ADAM23: variants seen among roughly 807,000 people sequenced by gnomAD.
ADAM23 encodes the protein ADAM metallopeptidase domain 23.
Under a neutral mutation model 120.1 loss-of-function variants are expected in ADAM23, and 33 were observed. That is an observed-to-expected ratio of 0.27 (90% CI 0.21 to 0.37). The LOEUF is 0.37. Ranked by LOEUF, ADAM23 falls within the 10% of genes least tolerant of loss-of-function variation. ADAM23 has a pLI of 1.00. For synonymous variants in ADAM23, 367 were observed against 375.2 expected, an observed-to-expected ratio of 0.98 and a Z score of 0.25; for missense variants, 862 against 1,058.2, an observed-to-expected ratio of 0.81 and a Z score of 2.57.
intron 3 of ADAM23, among the ~76,000 whole-genome samples, chr2:206,483,237 A>G (rs969981941): frequency 6.6e-6 from 1 of 152,180 alleles, no homozygotes; most frequent in Non-Finnish European, 1.5e-5. Context: ...CAACAGAGGT[A>G]CCTCGATTGG....
At chr2:206,544,551 G>A (rs534684222) in intron 6 of ADAM23, among the ~76,000 whole-genome samples, 63 of 152,036 alleles carry the variant, frequency 4.1e-4, no homozygotes, top group African/African-American at 1.4e-3. Context: ...AATTACATGT[G>A]GTATGTTAGA....
At chr2:206,494,570 T>C (rs1431615231) in intron 3 of ADAM23, among the ~76,000 whole-genome samples, 1 of 152,124 alleles carries the variant, frequency 6.6e-6, no homozygotes, top group Admixed American at 6.6e-5. Flanking sequence ...GGTGAGTAGT[T>C]CAGTACTTTT....
At chr2:206,547,626 A>T (rs766494885) in intron 7 of ADAM23, 125 bp downstream of exon 7, 1 of 744,370 alleles carries the variant, frequency 1.3e-6, no homozygotes, top group Non-Finnish European at 2.2e-6. Context: ...AACATCGTGG[A>T]TCAGCACTGG....
Position 206,542,104 on chromosome 2 carries a change from A to G in ADAM23, c.626A>G (p.Lys209Arg), listed in dbSNP as rs142194045. 567 of 1,614,088 alleles carry G rather than the reference A, an allele frequency of 3.5e-4. No homozygotes were observed. The highest frequency in any genetic ancestry group is 4.6e-4 in the Non-Finnish European group (543 of 1,180,008). Residue 209 changes from lysine to arginine, a missense_variant, in exon 5 of 26, where the codon AAG becomes AGG. Lys to Arg is a conservative substitution (Grantham distance 26). Coordinates refer to ENST00000264377, the MANE Select transcript of ADAM23 (RefSeq NM_003812.4). ...AGCATCAGAGGCGTCAAAGACTCCA[A>G]GGTGGCTCTGTCAACCTGCAATGGA... ...HGSIRGVKDS[K>R]VALSTCNGLH...
At chr2:206,484,065 A>G (rs1016466950) in intron 3 of ADAM23, among the ~76,000 whole-genome samples, 3 of 152,180 alleles carry the variant, frequency 2.0e-5, no homozygotes, top group East Asian at 1.9e-4. Flanking sequence ...GGAGATATCT[A>G]TAGGGCAAGA....
intron 2 of ADAM23, among the ~76,000 whole-genome samples, chr2:206,467,042 A>C (rs1369013737): frequency 6.6e-6 from 1 of 152,186 alleles, no homozygotes; most frequent in Non-Finnish European, 1.5e-5. Flanking sequence ...ACCATGGAAA[A>C]CCGCTTGCGT....
chr2:206,587,074 T>A (rs1317616032), intron 18 of ADAM23, among the ~76,000 whole-genome samples: 14 of 152,228 alleles, frequency 9.2e-5, no homozygotes, highest in Non-Finnish European at 2.9e-5. Flanking sequence ...TGAATGTGAC[T>A]TGTTATTCTG....
chr2:206,493,624 C>T lies in ADAM23; in HGVS notation c.509+12316C>T, dbSNP rs181534723. 5.8e-3 allele frequency among the ~76,000 whole-genome samples: 891 copies of T among 152,336 alleles called. 1 individual carries two copies. Among genetic ancestry groups the T allele is most frequent in the Non-Finnish European group, 8.2e-3 (555 of 68,024 alleles). ...CCGACCTCAGGTGATCCACCTGCCTCGGCCTCCCAAGTGCTGGGATTACAG... is the reference window on the plus strand; with the variant it reads ...CCGACCTCAGGTGATCCACCTGCCTTGGCCTCCCAAGTGCTGGGATTACAG... On this transcript the variant is annotated intron_variant, in intron 3 of 25. Transcript: ENST00000264377.
intron 3 of ADAM23, among the ~76,000 whole-genome samples, chr2:206,527,057 A>T (rs1384990265): frequency 6.6e-6 from 1 of 152,188 alleles, no homozygotes; most frequent in Non-Finnish European, 1.5e-5. Flanking sequence ...GATAACCTGC[A>T]TGAGAAGCAT....
Position 206,546,234 on chromosome 2 carries a change from C to T in ADAM23, c.721-1195C>T, listed in dbSNP as rs556521962. Among the ~76,000 whole-genome samples, 12 of 152,266 alleles carry T rather than the reference C, an allele frequency of 7.9e-5. No individual in the cohort carries two copies. In the South Asian group the frequency reaches 1.5e-3, roughly 18 times the overall value. On this transcript the variant is annotated intron_variant, in intron 6 of 25. Transcript: ENST00000264377. ...TAGAGGAAAGGAATAGTGCTTTAAA[C>T]TTTAGTCGATTTTTTAAATTGTGTT...
At chr2:206,450,582 T>G (rs994321964) in intron 2 of ADAM23, among the ~76,000 whole-genome samples, 12 of 152,184 alleles carry the variant, frequency 7.9e-5, no homozygotes, top group Non-Finnish European at 1.2e-4. Flanking sequence ...TGAGGAGAGA[T>G]AATTTTGGTC....
chr2:206,557,122 A>T (rs1448685485), intron 9 of ADAM23, among the ~76,000 whole-genome samples: 1 of 151,896 alleles, frequency 6.6e-6, no homozygotes, highest in Non-Finnish European at 1.5e-5. Flanking sequence ...TAAAGACAGG[A>T]TCTCACTGTG....
At chr2:206,486,947 C>T (rs554798950) in intron 3 of ADAM23, among the ~76,000 whole-genome samples, 2 of 152,178 alleles carry the variant, frequency 1.3e-5, no homozygotes. Flanking sequence ...CATGCATTCG[C>T]GTCCTGGACA....
intron 2 of ADAM23, among the ~76,000 whole-genome samples, chr2:206,457,934 C>G (rs1695332521): frequency 6.6e-6 from 1 of 152,104 alleles, no homozygotes. Context: ...CAAATTTAAA[C>G]TTTTTGTCAG....
chr2:206,608,013 A>G lies in ADAM23; in HGVS notation c.2360-1897A>G, dbSNP rs1319634241. The G allele has an allele frequency of 1.2e-5, 5 of 428,406 alleles. No homozygotes were observed. The East Asian group carries it at 2.2e-4, about 19-fold the overall frequency. The allele number at this position is 428,406 out of a possible 1,614,324, so 26.5% of individuals were successfully genotyped here. A position where few individuals can be genotyped will look rare whatever the true frequency, so the allele number is the denominator to read the frequency against. ...CATATCCAAAGCATAGAGTATGTAC[A>G]TGGTTATATATTTTTTTAATATTTG... On this transcript the variant is annotated intron_variant, in intron 24 of 25. Coordinates refer to ENST00000264377, the MANE Select transcript of ADAM23 (RefSeq NM_003812.4).
chr2:206,586,944 C>T (rs1698333081), intron 18 of ADAM23, among the ~76,000 whole-genome samples: 1 of 152,142 alleles, frequency 6.6e-6, no homozygotes. Flanking sequence ...TTGACATTTT[C>T]AGAGAGCTGA....
At chr2:206,605,683 A>T in intron 24 of ADAM23, 1 of 663,514 alleles carries the variant, frequency 1.5e-6, no homozygotes, top group Non-Finnish European at 2.7e-6. Context: ...AAAAAATTCA[A>T]TATTTAGCCA....
Position 206,475,233 on chromosome 2 carries a change from A to G in ADAM23, c.433-5999A>G, listed in dbSNP as rs191257815. Reference sequence around the variant, plus strand: ...AATGTGAGGCATTATTATTTTTATCATAACACAAACCTGTGCAATCACCAG... The same window carrying G: ...AATGTGAGGCATTATTATTTTTATCGTAACACAAACCTGTGCAATCACCAG... On this transcript the variant is annotated intron_variant, in intron 2 of 25. Coordinates refer to ENST00000264377, the MANE Select transcript of ADAM23 (RefSeq NM_003812.4). 7.9e-5 allele frequency among the ~76,000 whole-genome samples: 12 copies of G among 152,350 alleles called. No homozygotes were observed. The East Asian group carries it at 1.3e-3, about 17-fold the overall frequency.
At chr2:206,613,205 A>G (rs542732423) in intron 25 of ADAM23, among the ~76,000 whole-genome samples, 1 of 152,246 alleles carries the variant, frequency 6.6e-6, no homozygotes, top group Non-Finnish European at 1.5e-5. Flanking sequence ...GATTACAGGC[A>G]TGCGCCACCA....
Sources: allele counts gnomAD v4.1 joint callset (sites outside exome capture counted in the v4.1 genomes callset), GRCh38; gene constraint gnomAD v4.1.1; transcripts MANE v1.5; gene names NCBI Gene and HGNC (gene_info 2026-07-23, HGNC 2026-07-21).